Variants in SORCS3 observed in about 807,000 individuals in gnomAD.
SORCS3 encodes the protein sortilin related VPS10 domain containing receptor 3, also known as VPS10 domain-containing receptor SorCS3.
A neutral mutation model predicts 146.3 loss-of-function variants in SORCS3; 57 were observed. The ratio of observed to expected loss-of-function variants is 0.39; its 90% CI spans 0.31 to 0.49. The LOEUF (loss-of-function observed/expected upper bound fraction) is 0.49, where lower values mean the gene tolerates loss of function less well. Among genes scored for constraint, SORCS3 ranks in the 20% least tolerant of loss-of-function variants. The pLI is 0.92. For missense variants in SORCS3, 1,341 were observed against 1,575.5 expected (o/e 0.85, Z 2.52); for synonymous variants, 653 against 618.5 (o/e 1.06, Z -0.83).
chr10:105,230,576 C>T (rs1191019565), intron 20 of SORCS3, among the ~76,000 whole-genome samples: 1 of 152,170 alleles, frequency 6.6e-6, no homozygotes, highest in Non-Finnish European at 1.5e-5. Context: ...CCTCCCAGCC[C>T]ACGGCAGCAG....
chr10:104,998,000 A>G (rs2055037685), intron 4 of SORCS3, among the ~76,000 whole-genome samples: 1 of 152,202 alleles, frequency 6.6e-6, no homozygotes, highest in African/African-American at 2.4e-5. Context: ...GAAAGGCAGA[A>G]TGCTGAATGT....
intron 17 of SORCS3, among the ~76,000 whole-genome samples, chr10:105,212,859 G>A (rs1211219616): frequency 6.6e-6 from 1 of 152,144 alleles, no homozygotes; most frequent in African/African-American, 2.4e-5. Flanking sequence ...TCCTGAGAAA[G>A]TATAAATTGA....
intron 1 of SORCS3, among the ~76,000 whole-genome samples, chr10:104,781,537 TTAG>T (rs1414199902): frequency 1.3e-5 from 2 of 152,204 alleles, no homozygotes; most frequent in Non-Finnish European, 2.9e-5. Flanking sequence ...AGCTGATGTG[TTAG>T]TAGAGCATGT....
At chr10:105,241,103 T>C (rs2056820080) in intron 20 of SORCS3, among the ~76,000 whole-genome samples, 2 of 152,154 alleles carry the variant, frequency 1.3e-5, no homozygotes, top group Admixed American at 1.3e-4. Context: ...TACTTGTGTC[T>C]TCTTTTCTCT....
intron 7 of SORCS3, among the ~76,000 whole-genome samples, chr10:105,126,360 C>G (rs1026913093): frequency 6.6e-6 from 1 of 152,140 alleles, no homozygotes; most frequent in South Asian, 2.1e-4. Context: ...TCTTTTCTTC[C>G]TTCAAGTTCC....
At chr10:104,855,721 G>A (rs1221360312) in intron 2 of SORCS3, among the ~76,000 whole-genome samples, 1 of 140,356 alleles carries the variant, frequency 7.1e-6, no homozygotes, top group Non-Finnish European at 1.5e-5. Flanking sequence ...TTTTGAGTGT[G>A]TGTGTGTGTA....
intron 14 of SORCS3, among the ~76,000 whole-genome samples, chr10:105,179,827 C>T (rs1214398872): frequency 6.6e-6 from 1 of 152,162 alleles, no homozygotes; most frequent in East Asian, 1.9e-4. Flanking sequence ...TTATGTATTT[C>T]TGTAGGAACT....
chr10:105,162,639 T>G (rs1186466256), intron 11 of SORCS3, among the ~76,000 whole-genome samples: 1 of 152,164 alleles, frequency 6.6e-6, no homozygotes, highest in African/African-American at 2.4e-5. Flanking sequence ...ACAGAAGATA[T>G]TTCCACAAAT....
At chr10:104,716,778 C>T (rs1299033349) in intron 1 of SORCS3, among the ~76,000 whole-genome samples, 1 of 152,060 alleles carries the variant, frequency 6.6e-6, no homozygotes, top group Non-Finnish European at 1.5e-5. Context: ...TGCAAGTTCC[C>T]TGAAGTTGAG....
chr10:104,689,830 G>A lies in SORCS3; in HGVS notation c.627+47876G>A, dbSNP rs372322256. Among the ~76,000 whole-genome samples the A allele has an allele frequency of 3.3e-3, 510 of 152,244 alleles. 3 individuals carry two copies. Among genetic ancestry groups the A allele is most frequent in the African/African-American group, 0.012 (478 of 41,532 alleles). On this transcript the variant is annotated intron_variant, in intron 1 of 26. Transcript: ENST00000369701. Reference sequence around the variant, plus strand: ...GAAACACCGAAGGCCTAGAGAAAAGGAATTCCAGCTCGGGATTTTCTGAAT... The same window carrying A: ...GAAACACCGAAGGCCTAGAGAAAAGAAATTCCAGCTCGGGATTTTCTGAAT...
At chr10:105,064,797 C>T (rs2133721193) in intron 5 of SORCS3, among the ~76,000 whole-genome samples, 1 of 150,970 alleles carries the variant, frequency 6.6e-6, no homozygotes, top group Non-Finnish European at 1.5e-5. Flanking sequence ...CCCCAGCCCA[C>T]TGAGTGATGC....
intron 1 of SORCS3, among the ~76,000 whole-genome samples, chr10:104,798,369 G>T (rs1589503236): frequency 6.6e-6 from 1 of 152,168 alleles, no homozygotes; most frequent in African/African-American, 2.4e-5. Flanking sequence ...CTGGAAGCTG[G>T]TGTGAAGGGT....
At chr10:104,994,708 A>G (rs1051183927) in intron 4 of SORCS3, among the ~76,000 whole-genome samples, 1 of 152,204 alleles carries the variant, frequency 6.6e-6, no homozygotes, top group Admixed American at 6.5e-5. Flanking sequence ...ATCATAAAGT[A>G]TGAACCCTTT....
At chr10:105,118,237 A>T (rs762190397) in intron 7 of SORCS3, among the ~76,000 whole-genome samples, 1 of 152,060 alleles carries the variant, frequency 6.6e-6, no homozygotes, top group Non-Finnish European at 1.5e-5. Flanking sequence ...ATGAGATCTG[A>T]TGGTTTTTTA....
chr10:105,202,489 T>G (rs2056579799), intron 16 of SORCS3, among the ~76,000 whole-genome samples: 1 of 152,152 alleles, frequency 6.6e-6, no homozygotes, highest in Non-Finnish European at 1.5e-5. Context: ...CAGAAATGCC[T>G]TCTGAGACCA....
intron 4 of SORCS3, among the ~76,000 whole-genome samples, chr10:104,997,178 T>G (rs1411286786): frequency 6.6e-6 from 1 of 152,176 alleles, no homozygotes; most frequent in Admixed American, 6.6e-5. Flanking sequence ...ATTTGGGTGC[T>G]AATCTGGGAA....
chr10:105,053,729 T>G (rs2055428089), intron 5 of SORCS3, among the ~76,000 whole-genome samples: 1 of 152,094 alleles, frequency 6.6e-6, no homozygotes, highest in African/African-American at 2.4e-5. Flanking sequence ...AAAGCTTGTA[T>G]TGAATTATAT....
chr10:105,263,536 T>C lies in SORCS3; in HGVS notation c.*162T>C. On this transcript the variant is annotated 3_prime_UTR_variant, in exon 27 of 27. Transcript: ENST00000369701. ...GCCTAGCTTTGGGAGAAAAGGGCAT[T>C]CTTAGCTGATTGAAATGAGACAAAG... 1 of 638,598 alleles carries C rather than the reference T, an allele frequency of 1.6e-6. No individual in the cohort carries two copies. Among genetic ancestry groups the C allele is most frequent in the Non-Finnish European group, 2.7e-6 (1 of 368,652 alleles). The allele number at this position is 638,598 out of a possible 1,614,324, so 39.6% of individuals were successfully genotyped here. A position where few individuals can be genotyped will look rare whatever the true frequency, so the allele number is the denominator to read the frequency against.
intron 1 of SORCS3, among the ~76,000 whole-genome samples, chr10:104,775,365 A>G (rs1424209258): frequency 2.0e-5 from 3 of 152,220 alleles, no homozygotes; most frequent in Non-Finnish European, 4.4e-5. Context: ...TTCTTTTTCT[A>G]CACTCCATGC....
Sources: allele counts gnomAD v4.1 joint callset (sites outside exome capture counted in the v4.1 genomes callset), GRCh38; gene constraint gnomAD v4.1.1; transcripts MANE v1.5; gene names NCBI Gene and HGNC (gene_info 2026-07-23, HGNC 2026-07-21).